KLRF1: variants seen among roughly 807,000 people sequenced by gnomAD.
KLRF1 encodes killer cell lectin like receptor F1, also known as killer cell lectin-like receptor subfamily F member 1.
A neutral mutation model predicts 30.7 loss-of-function variants in KLRF1; 27 were observed. That is an observed-to-expected ratio of 0.88 (90% CI 0.65 to 1.21). The LOEUF (loss-of-function observed/expected upper bound fraction) is 1.21. Among genes scored for constraint, KLRF1 ranks in the 50% most tolerant of loss-of-function variants. The pLI is 0.00. For missense variants in KLRF1, 246 were observed against 259.3 expected (o/e 0.95, Z 0.35); for synonymous variants, 92 against 89.3 (o/e 1.03, Z -0.17).
At chr12:9,809,823 T>C in the KLRF1 span, among the ~76,000 whole-genome samples, 9 of 152,216 alleles carry the variant, frequency 5.9e-5, no homozygotes, top group Admixed American at 4.6e-4. Flanking sequence ...ATCTGTTTTT[T>C]TTAATGCTGC....
intron 3 of KLRF1, among the ~76,000 whole-genome samples, chr12:9,838,577 G>C (rs1025344622): frequency 1.3e-5 from 2 of 152,126 alleles, no homozygotes; most frequent in African/African-American, 4.8e-5. Flanking sequence ...TTCCCTGCCA[G>C]TGTGAGTGGT....
chr12:9,805,375 G>T, the KLRF1 span, among the ~76,000 whole-genome samples: 1 of 151,862 alleles, frequency 6.6e-6, no homozygotes, highest in Non-Finnish European at 1.5e-5. Flanking sequence ...AGGGATGGAA[G>T]GGCCCAAAGG....
upstream of KLRF1, among the ~76,000 whole-genome samples, chr12:9,822,693 A>G (rs1867240158): frequency 6.6e-6 from 1 of 152,202 alleles, no homozygotes; most frequent in Non-Finnish European, 1.5e-5. Context: ...ATAAAAAATC[A>G]AAGCTCAATG....
At chr12:9,836,842 TA>T (rs1398855325) in intron 3 of KLRF1, among the ~76,000 whole-genome samples, 1 of 152,082 alleles carries the variant, frequency 6.6e-6, no homozygotes. Flanking sequence ...AATGACACCT[TA>T]GAAAAATTAA....
the KLRF1 span, among the ~76,000 whole-genome samples, chr12:9,804,329 T>C: frequency 6.6e-6 from 1 of 152,020 alleles, no homozygotes; most frequent in African/African-American, 2.4e-5. Flanking sequence ...TTATATATTC[T>C]TCTTTCAAGT....
chr12:9,834,460 G>T (rs1249766458), intron 3 of KLRF1, among the ~76,000 whole-genome samples: 1 of 152,044 alleles, frequency 6.6e-6, no homozygotes, highest in Non-Finnish European at 1.5e-5. Flanking sequence ...GTTTCTCAGG[G>T]CTTCTTCGAG....
chr12:9,835,746 G>C (rs1337219881), intron 3 of KLRF1, among the ~76,000 whole-genome samples: 1 of 152,040 alleles, frequency 6.6e-6, no homozygotes, highest in Non-Finnish European at 1.5e-5. Context: ...AATTCCAGTG[G>C]GTCTTTGCCG....
the KLRF1 span, among the ~76,000 whole-genome samples, chr12:9,818,368 C>G: frequency 6.6e-6 from 1 of 152,200 alleles, no homozygotes; most frequent in Non-Finnish European, 1.5e-5. Flanking sequence ...CCTCCAACTG[C>G]CCATGGAATG....
chr12:9,832,034 C>T (rs1867439912), intron 1 of KLRF1, among the ~76,000 whole-genome samples: 1 of 152,146 alleles, frequency 6.6e-6, no homozygotes, highest in South Asian at 2.1e-4. Context: ...GAAAATTATT[C>T]AGTGCATAGA....
At chr12:9,842,240 T>C in intron 4 of KLRF1, 81 bp from the exon 5 acceptor site, 3 of 1,519,364 alleles carry the variant, frequency 2.0e-6, no homozygotes, top group Non-Finnish European at 2.7e-6. Flanking sequence ...CAGAGTGCTT[T>C]TTTGCAATAA....
intron 3 of KLRF1, among the ~76,000 whole-genome samples, chr12:9,840,627 C>G (rs949910638): frequency 2.0e-5 from 3 of 151,824 alleles, no homozygotes; most frequent in Non-Finnish European, 4.4e-5. Context: ...ATCATTTAAT[C>G]ATTAATTAAT....
chr12:9,841,655 G>A (rs1867705044), intron 3 of KLRF1, among the ~76,000 whole-genome samples, 157 bp from the exon 4 acceptor site: 1 of 151,986 alleles, frequency 6.6e-6, no homozygotes. Context: ...ACCATTATTT[G>A]TGTTTTGGCC....
upstream of KLRF1, among the ~76,000 whole-genome samples, chr12:9,823,713 GAA>G (rs372874302): frequency 7.8e-5 from 11 of 141,016 alleles, no homozygotes; most frequent in South Asian, 1.1e-3. Flanking sequence ...TGGTTTTTTG[GAA>G]AAAAAAAAAA....
intron 3 of KLRF1, among the ~76,000 whole-genome samples, chr12:9,840,385 A>G (rs944627826): frequency 8.5e-5 from 13 of 152,236 alleles, no homozygotes; most frequent in African/African-American, 2.9e-4. Flanking sequence ...ATAAATAAAA[A>G]GAGACAGATT....
At chr12:9,841,665 C>T in intron 3 of KLRF1, 147 bp from the exon 4 acceptor site, 1 of 540,350 alleles carries the variant, frequency 1.9e-6, no homozygotes, top group Non-Finnish European at 3.1e-6. Flanking sequence ...GTGTTTTGGC[C>T]ATCTTTTGTG....
upstream of KLRF1, among the ~76,000 whole-genome samples, chr12:9,824,485 G>C (rs1393807946): frequency 1.3e-5 from 2 of 152,062 alleles, no homozygotes; most frequent in Non-Finnish European, 2.9e-5. Context: ...ATAAGAGCCA[G>C]CTGTAATAAG....
chr12:9,819,969 A>G, the KLRF1 span, among the ~76,000 whole-genome samples: 1 of 152,092 alleles, frequency 6.6e-6, no homozygotes, highest in South Asian at 2.1e-4. Context: ...CACAGCCTTC[A>G]CTGTTGTCAC....
At chr12:9,832,464 G>T (rs1458013185) in intron 2 of KLRF1, 50 bp downstream of exon 2, 1 of 1,028,396 alleles carries the variant, frequency 9.7e-7, no homozygotes, top group East Asian at 2.5e-5. Flanking sequence ...ATGTTTACTT[G>T]TCTCTTATAA....
chr12:9,840,695 T>G (rs1225071616), intron 3 of KLRF1, among the ~76,000 whole-genome samples: 1 of 152,088 alleles, frequency 6.6e-6, no homozygotes, highest in Non-Finnish European at 1.5e-5. Context: ...TTTTAAAACT[T>G]TGTGTGGTTT....
Sources: gnomAD v4.1 joint callset for allele counts (sites outside exome capture counted in the v4.1 genomes callset) on GRCh38, gnomAD v4.1.1 for gene constraint, MANE v1.5 for transcripts, NCBI Gene and HGNC (gene_info 2026-07-23, HGNC 2026-07-21) for gene names.